FSHR: variants seen among roughly 807,000 people sequenced by gnomAD.
The protein encoded by FSHR is follicle stimulating hormone receptor.
In FSHR, 46 loss-of-function variants were observed where a neutral mutation model predicts 52.1. The observed-to-expected ratio is 0.88, with a 90% CI of 0.70 to 1.13. FSHR has a LOEUF of 1.13. FSHR is among the 50% of genes most tolerant of loss of function. FSHR has a pLI of 0.00. For missense variants in FSHR, 964 were observed against 834.6 expected, an observed-to-expected ratio of 1.16 and a Z score of -1.91; for synonymous variants, 399 against 309.6, an observed-to-expected ratio of 1.29 and a Z score of -3.03.
At chr2:49,085,778 G>T (rs1161524789) in intron 1 of FSHR, among the ~76,000 whole-genome samples, 3 of 152,140 alleles carry the variant, frequency 2.0e-5, no homozygotes, top group Admixed American at 6.6e-5. Flanking sequence ...GGAATACTAT[G>T]CAGCCATAAA....
At chr2:49,054,316 G>T (rs556394444) in intron 2 of FSHR, among the ~76,000 whole-genome samples, 1 of 152,194 alleles carries the variant, frequency 6.6e-6, no homozygotes, top group South Asian at 2.1e-4. Context: ...GTTGCTGCTG[G>T]CAGACATGCC....
chr2:49,041,323 A>G (rs3913668), intron 2 of FSHR, among the ~76,000 whole-genome samples: 48,828 of 152,108 alleles, frequency 0.32, 9,034 homozygotes, highest in Non-Finnish European at 0.42. Context: ...TACATGCTAC[A>G]ATGAACACGC....
intron 1 of FSHR, among the ~76,000 whole-genome samples, chr2:49,136,693 G>T (rs551938405): frequency 6.6e-6 from 1 of 151,994 alleles, no homozygotes; most frequent in African/African-American, 2.4e-5. Flanking sequence ...TATTCCAGGG[G>T]TGGCAAAGTT....
At chr2:48,974,384 T>C (rs1315675596) in intron 8 of FSHR, among the ~76,000 whole-genome samples, 2 of 152,202 alleles carry the variant, frequency 1.3e-5, no homozygotes, top group Non-Finnish European at 2.9e-5. Context: ...CTTGTTATTT[T>C]GGATTCCTTC....
At chr2:49,011,334 T>C (rs4525743) in intron 4 of FSHR, among the ~76,000 whole-genome samples, 111,325 of 151,746 alleles carry the variant, frequency 0.73, 41,212 homozygotes, top group Admixed American at 0.8. Context: ...TGTAGTTGAG[T>C]GGTTTTGAGT....
chr2:48,980,002 G>A (rs1216093180), intron 8 of FSHR, among the ~76,000 whole-genome samples: 4 of 152,156 alleles, frequency 2.6e-5, no homozygotes, highest in African/African-American at 7.2e-5. Context: ...GGGTTTAGAT[G>A]GTTTAGTGTA....
intron 5 of FSHR, among the ~76,000 whole-genome samples, chr2:48,989,908 A>C (rs1330327019): frequency 6.6e-6 from 1 of 152,172 alleles, no homozygotes; most frequent in Admixed American, 6.5e-5. Context: ...CAAGTAGTGT[A>C]GTAAACAGCT....
At chr2:49,151,141 CTTTTTTT>C (rs200436300) in intron 1 of FSHR, among the ~76,000 whole-genome samples, 2 of 115,008 alleles carry the variant, frequency 1.7e-5, no homozygotes, top group African/African-American at 6.4e-5. Context: ...AAGGATTACT[CTTTTTTT>C]TTTTTTTTTT....
intron 1 of FSHR, among the ~76,000 whole-genome samples, chr2:49,071,404 C>A (rs946572993): frequency 6.6e-6 from 1 of 151,760 alleles, no homozygotes; most frequent in Non-Finnish European, 1.5e-5. Flanking sequence ...AAAATAACTG[C>A]CAATTTAAAA....
In FSHR at chr2:48,989,606, T is replaced by C. The variant is rs537148618; in HGVS notation, c.447-552A>G. ...TACTTTTTTCTTCTGAAGGTTTTCT[T>C]AAATAATTTCACCCTAATGTAACAA... On this transcript the variant is annotated intron_variant, in intron 5 of 9. Transcript: ENST00000406846. Among the ~76,000 whole-genome samples, 3 of 152,288 alleles carry C rather than the reference T, an allele frequency of 2.0e-5. No individual in the cohort carries two copies. In the South Asian group the frequency reaches 6.2e-4, roughly 32 times the overall value.
chr2:49,147,546 A>T (rs187075933), intron 1 of FSHR, among the ~76,000 whole-genome samples: 1 of 152,168 alleles, frequency 6.6e-6, no homozygotes. Context: ...ATCACCAAGC[A>T]AGTGCAGTTC....
chr2:49,064,353 C>CG (rs1458324673), intron 2 of FSHR, among the ~76,000 whole-genome samples: 1 of 232 alleles, frequency 4.3e-3, no homozygotes, highest in Non-Finnish European at 0.012. Context: ...ACCACAAGGG[C>CG]CCATCCCCAT....
At chr2:49,079,269 G>A (rs1241700466) in intron 1 of FSHR, among the ~76,000 whole-genome samples, 5 of 152,092 alleles carry the variant, frequency 3.3e-5, no homozygotes, top group Admixed American at 6.6e-5. Context: ...TTTATAAGTG[G>A]TAAGTTTCAA....
At chr2:49,053,169 G>A (rs1192772353) in intron 2 of FSHR, among the ~76,000 whole-genome samples, 2 of 152,028 alleles carry the variant, frequency 1.3e-5, no homozygotes, top group Admixed American at 1.3e-4. Flanking sequence ...AATTTTATGT[G>A]GTTCATATTT....
chr2:49,084,492 A>C (rs181411442), intron 1 of FSHR, among the ~76,000 whole-genome samples: 7,898 of 152,180 alleles, frequency 0.052, 457 homozygotes, highest in East Asian at 0.22. Context: ...AAATAACTAA[A>C]ATCAGAGCAG....
At chr2:49,076,664 C>T (rs1479416895) in intron 1 of FSHR, among the ~76,000 whole-genome samples, 1 of 152,188 alleles carries the variant, frequency 6.6e-6, no homozygotes, top group East Asian at 1.9e-4. Context: ...AGAGTCTCAT[C>T]TGAGACAAGG....
chr2:49,017,759 G>A (rs1667540498), intron 3 of FSHR, among the ~76,000 whole-genome samples, 196 bp from the exon 4 acceptor site: 1 of 152,062 alleles, frequency 6.6e-6, no homozygotes, highest in Non-Finnish European at 1.5e-5. Context: ...ACTAAGCTGT[G>A]CAAACTAAAT....
At chr2:49,055,531 C>CAAAAAAAAAAAA (rs75665223) in intron 2 of FSHR, among the ~76,000 whole-genome samples, 13 of 51,142 alleles carry the variant, frequency 2.5e-4, no homozygotes, top group African/African-American at 3.4e-4. Context: ...CCAGGAAGCT[C>CAAAAAAAAAAAA]AAAAAAAAAA....
chr2:49,090,276 A>G (rs1354101775), intron 1 of FSHR, among the ~76,000 whole-genome samples: 1 of 152,068 alleles, frequency 6.6e-6, no homozygotes, highest in Non-Finnish European at 1.5e-5. Flanking sequence ...TTGAGGAAAC[A>G]CTGTCCCTCC....
Sources: gnomAD v4.1 joint callset for allele counts (sites outside exome capture counted in the v4.1 genomes callset) on GRCh38, gnomAD v4.1.1 for gene constraint, MANE v1.5 for transcripts, NCBI Gene and HGNC (gene_info 2026-07-23, HGNC 2026-07-21) for gene names.